Variants in ANK3 observed in about 807,000 individuals in gnomAD.
ANK3 encodes ankyrin 3.
In ANK3, 57 loss-of-function variants were observed where a neutral mutation model predicts 370.9. The observed-to-expected ratio is 0.15, with a 90% CI of 0.12 to 0.19. ANK3 has a LOEUF of 0.19. Ranked by LOEUF, ANK3 falls within the 10% of genes least tolerant of loss-of-function variation. The pLI is 1.00. For synonymous variants in ANK3, 1,929 were observed against 1,946.3 expected (o/e 0.99, Z 0.23); for missense variants, 4,439 against 5,302.1 (o/e 0.84, Z 5.06).
In ANK3 at chr10:60,387,011, T is replaced by G. The variant is rs192459132; in HGVS notation, c.114+2414A>C. Reference sequence around the variant, plus strand: ...CCCATCTCTACTAAAAGTACAAAAATTAGCCGGGCAGGGTGGCGGGTGCCT... The same window carrying G: ...CCCATCTCTACTAAAAGTACAAAAAGTAGCCGGGCAGGGTGGCGGGTGCCT... On this transcript the variant is annotated intron_variant, in intron 1 of 43. Transcript: ENST00000280772. 3.4e-3 allele frequency among the ~76,000 whole-genome samples: 513 copies of G among 152,108 alleles called. 1 individual carries two copies. The highest frequency in any genetic ancestry group is 0.012 in the African/African-American group (493 of 41,492).
chr10:60,335,301 A>T (rs1338260377), intron 1 of ANK3, among the ~76,000 whole-genome samples: 1 of 152,126 alleles, frequency 6.6e-6, no homozygotes, highest in Non-Finnish European at 1.5e-5. Context: ...CTAGAAAAAA[A>T]GTTTTTGTTT....
At chr10:60,102,227 C>T (rs539520012) in intron 28 of ANK3, among the ~76,000 whole-genome samples, 29 of 150,624 alleles carry the variant, frequency 1.9e-4, no homozygotes, top group Non-Finnish European at 3.1e-4. Context: ...GTCTTACAGG[C>T]CAGTGTCAGG....
intron 2 of ANK3, among the ~76,000 whole-genome samples, chr10:60,468,995 G>GTATATATATATA (rs1464396090): frequency 0.025 from 871 of 34,496 alleles, 233 homozygotes; most frequent in South Asian, 0.035. Context: ...CACTTTTAGT[G>GTATATATATATA]TGTATATATA....
At chr10:60,687,535 AAC>A (rs553656997) in intron 1 of ANK3, among the ~76,000 whole-genome samples, 31 of 150,796 alleles carry the variant, frequency 2.1e-4, no homozygotes, top group African/African-American at 6.3e-4. Flanking sequence ...TATAAAAAAA[AAC>A]ACACACACAC....
intron 2 of ANK3, among the ~76,000 whole-genome samples, chr10:60,530,584 G>T (rs767978785): frequency 6.6e-6 from 1 of 152,146 alleles, no homozygotes; most frequent in Non-Finnish European, 1.5e-5. Flanking sequence ...GGGCGCCTCT[G>T]TAAGTTTGTT....
intron 21 of ANK3, among the ~76,000 whole-genome samples, chr10:60,171,900 T>A (rs1180532178): frequency 2.0e-5 from 3 of 152,220 alleles, no homozygotes; most frequent in African/African-American, 4.8e-5. Flanking sequence ...TGATAATGTA[T>A]CCATGTACCA....
intron 1 of ANK3, among the ~76,000 whole-genome samples, chr10:60,698,228 C>T (rs1458085618): frequency 7.4e-4 from 112 of 150,736 alleles, no homozygotes; most frequent in Middle Eastern, 6.8e-3. Context: ...GTTAGAATGG[C>T]AATCATTAAA....
chr10:60,585,566 GT>G (rs2077819419), intron 2 of ANK3, among the ~76,000 whole-genome samples: 3 of 152,130 alleles, frequency 2.0e-5, no homozygotes, highest in African/African-American at 7.2e-5. Context: ...ATCACTTCAG[GT>G]GACATATAAT....
upstream of ANK3, among the ~76,000 whole-genome samples, chr10:60,390,075 G>C (rs1267604090): frequency 2.0e-5 from 3 of 152,172 alleles, no homozygotes; most frequent in Non-Finnish European, 4.4e-5. Flanking sequence ...ATAGAATGGA[G>C]CTGTTCCTAC....
intron 2 of ANK3, among the ~76,000 whole-genome samples, chr10:60,590,130 G>T (rs2077889506): frequency 6.6e-6 from 1 of 152,152 alleles, no homozygotes; most frequent in South Asian, 2.1e-4. Context: ...ATTTACTGAA[G>T]AATTCATGGC....
At chr10:60,317,380 TC>T (rs1387552862) in intron 1 of ANK3, among the ~76,000 whole-genome samples, 1 of 151,998 alleles carries the variant, frequency 6.6e-6, no homozygotes. Context: ...GGCTTTGGCT[TC>T]CTAAAGTGCT....
At chr10:60,119,452 G>C (rs1182673836) in intron 25 of ANK3, among the ~76,000 whole-genome samples, 1 of 152,178 alleles carries the variant, frequency 6.6e-6, no homozygotes, top group African/African-American at 2.4e-5. Context: ...TTTAATTACT[G>C]AACAAATACA....
chr10:60,265,788 C>T (rs1000336419), intron 5 of ANK3, among the ~76,000 whole-genome samples: 26 of 152,122 alleles, frequency 1.7e-4, no homozygotes, highest in African/African-American at 6.3e-4. Context: ...GAATGCAAAT[C>T]AGCATACTTA....
At chr10:60,036,248 T>C (rs1452608653) in intron 43 of ANK3, among the ~76,000 whole-genome samples, 1 of 152,054 alleles carries the variant, frequency 6.6e-6, no homozygotes, top group East Asian at 1.9e-4. Flanking sequence ...CTCCCACTGT[T>C]ATATTCTAGC....
chr10:60,349,439 G>T (rs753014144), intron 1 of ANK3, among the ~76,000 whole-genome samples: 10 of 152,178 alleles, frequency 6.6e-5, no homozygotes, highest in Non-Finnish European at 1.2e-4. Context: ...AAGGATAATC[G>T]GTTGATGCTA....
chr10:60,200,375 TG>T, intron 12 of ANK3, 148 bp from the exon 13 acceptor site: 1 of 704,648 alleles, frequency 1.4e-6, no homozygotes, highest in Non-Finnish European at 2.5e-6. Flanking sequence ...ATCAAATGCA[TG>T]AGAATTTCAC....
At chr10:60,347,554 A>C (rs2132682098) in intron 1 of ANK3, among the ~76,000 whole-genome samples, 1 of 152,204 alleles carries the variant, frequency 6.6e-6, no homozygotes, top group Non-Finnish European at 1.5e-5. Context: ...TGAGGATAAA[A>C]ATATCCTACA....
At chr10:60,622,309 A>G (rs2078348364) in intron 1 of ANK3, among the ~76,000 whole-genome samples, 1 of 151,664 alleles carries the variant, frequency 6.6e-6, no homozygotes, top group South Asian at 2.1e-4. Flanking sequence ...CAGCAGCATG[A>G]TCTCGGCTCA....
At chr10:60,112,632 G>A (rs1828484581) in intron 26 of ANK3, among the ~76,000 whole-genome samples, 1 of 152,112 alleles carries the variant, frequency 6.6e-6, no homozygotes, top group Non-Finnish European at 1.5e-5. Flanking sequence ...ATTCCTCTGA[G>A]TCTGATTTTT....
Sources: allele counts gnomAD v4.1 joint callset (sites outside exome capture counted in the v4.1 genomes callset), GRCh38; gene constraint gnomAD v4.1.1; transcripts MANE v1.5; gene names NCBI Gene and HGNC (gene_info 2026-07-23, HGNC 2026-07-21).